The following IPO11 variants were observed in gnomAD, a reference collection of about 807,000 sequenced individuals.
IPO11 encodes the protein importin 11.
A neutral mutation model predicts 143.2 loss-of-function variants in IPO11; 66 were observed. The ratio of observed to expected loss-of-function variants is 0.46; its 90% confidence interval spans 0.38 to 0.57. IPO11 has a LOEUF of 0.57. Among genes scored for constraint, IPO11 ranks in the 20% least tolerant of loss-of-function variants. IPO11 has a pLI of 0.00. For synonymous variants in IPO11, 385 were observed against 377.8 expected (o/e 1.02, Z -0.22); for missense variants, 1,026 against 1,141.0 (o/e 0.90, Z 1.45).
At chr5:62,597,065 A>G (rs1183148904) in intron 28 of IPO11, among the ~76,000 whole-genome samples, 2 of 152,150 alleles carry the variant, frequency 1.3e-5, no homozygotes, top group South Asian at 2.1e-4. Flanking sequence ...CTGCTAATAT[A>G]CAATATTTAG....
chr5:62,440,207 G>C (rs1032487063), intron 2 of IPO11, among the ~76,000 whole-genome samples: 2 of 152,168 alleles, frequency 1.3e-5, no homozygotes, highest in African/African-American at 4.8e-5. Flanking sequence ...TTTTGTAATG[G>C]AGACCCAAAA....
At position 62,530,758 on chromosome 5, in the gene IPO11, A is replaced by G. The variant is rs776372328; in HGVS notation, c.2062A>G (p.Ile688Val). 1.9e-5 allele frequency: 31 copies of G among 1,611,992 alleles called. No homozygotes were observed. Among genetic ancestry groups the G allele is most frequent in the Non-Finnish European group, 2.5e-5 (29 of 1,178,440 alleles). The change falls in exon 22 of 30, where the codon ATA becomes GTA. Residue 688 changes from isoleucine (I) to valine (V), a missense_variant. Coordinates refer to ENST00000325324, the MANE Select transcript of IPO11 (RefSeq NM_016338.5). ...ATGTATTACACCAGAGTTGCTTCGT[A>G]TATTTCAGAATATGTCACCACTTCT... ...SPCITPELLR[I>V]FQNMSPLLEL...
chr5:62,450,132 T>C (rs368863024), intron 4 of IPO11, 133 bp downstream of exon 4: 2 of 537,588 alleles, frequency 3.7e-6, no homozygotes. Flanking sequence ...TTTTTATCTA[T>C]TTTTAAATTT....
intron 29 of IPO11, among the ~76,000 whole-genome samples, chr5:62,621,065 C>T (rs1022462287): frequency 3.3e-5 from 5 of 152,156 alleles, no homozygotes; most frequent in African/African-American, 1.2e-4. Context: ...TGCTCACATT[C>T]CATTGGCTGG....
At chr5:62,506,588 A>T (rs1383349134) in intron 19 of IPO11, among the ~76,000 whole-genome samples, 2 of 152,172 alleles carry the variant, frequency 1.3e-5, no homozygotes, top group Non-Finnish European at 1.5e-5. Flanking sequence ...AGAGGTGTTC[A>T]TAGAGCAGAA....
At chr5:62,585,405 A>T (rs1744735028) in intron 27 of IPO11, among the ~76,000 whole-genome samples, 2 of 152,150 alleles carry the variant, frequency 1.3e-5, no homozygotes, top group Non-Finnish European at 2.9e-5. Context: ...TGACCAGGTA[A>T]ATCCAGGCCA....
chr5:62,507,710 T>G (rs1323348096), intron 19 of IPO11, among the ~76,000 whole-genome samples: 1 of 152,212 alleles, frequency 6.6e-6, no homozygotes, highest in Non-Finnish European at 1.5e-5. Flanking sequence ...GGAAATTTCT[T>G]AGATAAAACT....
intron 16 of IPO11, 55 bp from the exon 17 acceptor site, chr5:62,504,612 A>T: frequency 9.5e-7 from 1 of 1,056,496 alleles, no homozygotes; most frequent in Non-Finnish European, 1.4e-6. Flanking sequence ...GTTTGATATT[A>T]ATGATGTTTA....
In IPO11 at chr5:62,604,351, A is replaced by G. The variant is rs574914388; in HGVS notation, c.2763+2503A>G. ...AGCCTCCCGAGTAGCTGGGACTACAAGTGTGTGCCACCATGTCTGGCTAAT... is the reference window on the plus strand; with the variant it reads ...AGCCTCCCGAGTAGCTGGGACTACAGGTGTGTGCCACCATGTCTGGCTAAT... On this transcript the variant is annotated intron_variant, in intron 29 of 29. Transcript: ENST00000325324. Among the ~76,000 whole-genome samples the G allele has an allele frequency of 5.8e-4, 88 of 152,076 alleles. No homozygotes were observed. The South Asian group carries it at 0.013, about 23-fold the overall frequency.
chr5:62,601,527 T>A (rs1485618937), intron 28 of IPO11, among the ~76,000 whole-genome samples: 1 of 152,172 alleles, frequency 6.6e-6, no homozygotes, highest in East Asian at 1.9e-4. Context: ...AATTACTAAC[T>A]GAAATGCCCA....
chr5:62,438,762 A>G (rs199996424), intron 2 of IPO11, among the ~76,000 whole-genome samples: 52 of 150,332 alleles, frequency 3.5e-4, no homozygotes, highest in Non-Finnish European at 8.9e-5. Flanking sequence ...CAAAAAAAAA[A>G]GGGGGGGAGC....
At chr5:62,626,457 G>T (rs1202211594) in intron 29 of IPO11, among the ~76,000 whole-genome samples, 1 of 152,162 alleles carries the variant, frequency 6.6e-6, no homozygotes, top group Non-Finnish European at 1.5e-5. Context: ...TTGGTTGCAG[G>T]ATTCAATCGG....
Position 62,449,930 on chromosome 5 carries a change from T to C in IPO11, c.243T>C (p.Ala81=), listed in dbSNP as rs753622168. 1.3e-6 allele frequency: 2 copies of C among 1,560,624 alleles called. No homozygotes were observed. The highest frequency in any genetic ancestry group is 1.4e-5 in the African/African-American group (1 of 72,564). ...CAATACTTTTTTTTTTTTACAGTGC[T>C]CTCTCAGAGGAGGAGAAAACTACTC... ...DRYWRRVAPH[A]LSEEEKTTLR... Residue 81 remains alanine, a synonymous_variant, in exon 4 of 30, where the codon GCT becomes GCC. Coordinates refer to ENST00000325324, the MANE Select transcript of IPO11 (RefSeq NM_016338.5).
intron 29 of IPO11, among the ~76,000 whole-genome samples, chr5:62,614,722 G>A (rs913870737): frequency 6.6e-6 from 1 of 152,150 alleles, no homozygotes; most frequent in Non-Finnish European, 1.5e-5. Context: ...GTGTGTGTGT[G>A]TGTTACAGTC....
In IPO11 at chr5:62,515,425, C is replaced by A. The variant is rs755432283; in HGVS notation, c.1820C>A (p.Pro607His). The A allele has an allele frequency of 6.2e-7, 1 of 1,610,516 alleles. No individual in the cohort carries two copies. The highest frequency in any genetic ancestry group is 8.5e-7 in the Non-Finnish European group (1 of 1,178,744). The change falls in exon 20 of 30, where the codon CCC becomes CAC. Residue 607 changes from proline to histidine, a missense_variant. Transcript: ENST00000325324. ...GTGGGATGTTTGGTACAATATTTGC[C>A]CCTCCTTTGGAAGCAGAGTGAAGAA... ...PYVGCLVQYLPLLWKQSEEHN... is the reference protein window; with the variant it reads ...PYVGCLVQYLHLLWKQSEEHN...
intron 19 of IPO11, among the ~76,000 whole-genome samples, chr5:62,507,453 G>C (rs1479861756): frequency 6.6e-6 from 1 of 152,138 alleles, no homozygotes; most frequent in Non-Finnish European, 1.5e-5. Context: ...ACTGTTTTAA[G>C]AACTCATTTT....
At chr5:62,602,226 A>G (rs1289917636) in intron 29 of IPO11, among the ~76,000 whole-genome samples, 6 of 152,108 alleles carry the variant, frequency 3.9e-5, no homozygotes, top group Non-Finnish European at 8.8e-5. Context: ...ACTTTTGCTG[A>G]TCTGCATCAC....
chr5:62,627,086 T>A, intron 29 of IPO11, 68 bp from the exon 30 acceptor site: 1 of 1,406,906 alleles, frequency 7.1e-7, no homozygotes, highest in Non-Finnish European at 9.7e-7. Flanking sequence ...AAAGAACTTT[T>A]GTAAATTGCA....
At chr5:62,438,012 A>G (rs932733234) in intron 2 of IPO11, among the ~76,000 whole-genome samples, 8 of 152,188 alleles carry the variant, frequency 5.3e-5, no homozygotes, top group Admixed American at 2.6e-4. Context: ...TGTGTTGAAC[A>G]CTTTCCTTAT....
Sources: gnomAD v4.1 joint callset for allele counts (sites outside exome capture counted in the v4.1 genomes callset) on GRCh38, gnomAD v4.1.1 for gene constraint, MANE v1.5 for transcripts, NCBI Gene and HGNC (gene_info 2026-07-23, HGNC 2026-07-21) for gene names.